ANKS1B: variants seen among roughly 807,000 people sequenced by gnomAD.
The protein encoded by ANKS1B is ankyrin repeat and sterile alpha motif domain containing 1B.
Under a neutral mutation model 148.3 loss-of-function variants are expected in ANKS1B, and 36 were observed. That is an observed-to-expected ratio of 0.24 (90% CI 0.19 to 0.32). The LOEUF (loss-of-function observed/expected upper bound fraction) is 0.32, where lower values mean the gene tolerates loss of function less well. ANKS1B is among the 10% of genes least tolerant of loss of function. The pLI is 1.00. For synonymous variants in ANKS1B, 542 were observed against 560.8 expected, an observed-to-expected ratio of 0.97 and a Z score of 0.47; for missense variants, 1,157 against 1,542.6, an observed-to-expected ratio of 0.75 and a Z score of 4.19.
chr12:99,190,869 C>T (rs1258105736), intron 14 of ANKS1B, among the ~76,000 whole-genome samples: 1 of 152,110 alleles, frequency 6.6e-6, no homozygotes, highest in East Asian at 1.9e-4. Flanking sequence ...TAAAGAGCTT[C>T]TGCACAGCAA....
chr12:98,882,968 G>C (rs1421033141), intron 17 of ANKS1B, among the ~76,000 whole-genome samples: 1 of 152,106 alleles, frequency 6.6e-6, no homozygotes, highest in African/African-American at 2.4e-5. Context: ...ACGTTCTTTA[G>C]AGTGTATTTT....
At chr12:99,338,931 C>T (rs2089443422) in intron 12 of ANKS1B, among the ~76,000 whole-genome samples, 4 of 152,132 alleles carry the variant, frequency 2.6e-5, no homozygotes, top group Admixed American at 1.3e-4. Flanking sequence ...CCTTTACTCT[C>T]CCATCTCGTC....
At chr12:99,836,917 A>G (rs947292094) in intron 1 of ANKS1B, among the ~76,000 whole-genome samples, 3 of 152,198 alleles carry the variant, frequency 2.0e-5, no homozygotes, top group Non-Finnish European at 4.4e-5. Flanking sequence ...GTACTATGGT[A>G]GGAAAAAATA....
intron 12 of ANKS1B, among the ~76,000 whole-genome samples, chr12:99,313,262 G>A (rs534707611): frequency 6.6e-6 from 1 of 152,062 alleles, no homozygotes; most frequent in Non-Finnish European, 1.5e-5. Flanking sequence ...GTTTGAAATT[G>A]AGGCAGTAAT....
intron 11 of ANKS1B, among the ~76,000 whole-genome samples, chr12:99,422,118 T>C (rs1006973716): frequency 2.6e-5 from 4 of 152,200 alleles, no homozygotes; most frequent in Non-Finnish European, 4.4e-5. Context: ...AAGCAGGCAT[T>C]TCTTTAGAGC....
intron 8 of ANKS1B, among the ~76,000 whole-genome samples, chr12:99,672,794 T>A (rs951177798): frequency 2.6e-5 from 4 of 152,172 alleles, no homozygotes; most frequent in African/African-American, 9.7e-5. Flanking sequence ...ATAGTTACTC[T>A]CCTATCATAG....
intron 2 of ANKS1B, among the ~76,000 whole-genome samples, chr12:99,823,943 C>T (rs2082836701): frequency 6.6e-6 from 1 of 152,094 alleles, no homozygotes; most frequent in Non-Finnish European, 1.5e-5. Context: ...GTTTATTGGT[C>T]TATGTGTCTG....
At chr12:99,980,700 A>T (rs967383722) in intron 1 of ANKS1B, among the ~76,000 whole-genome samples, 4 of 152,046 alleles carry the variant, frequency 2.6e-5, no homozygotes, top group African/African-American at 4.8e-5. Context: ...TTGCCATATA[A>T]AAGGTTAACA....
chr12:99,382,117 A>G (rs1004855819), intron 12 of ANKS1B, among the ~76,000 whole-genome samples: 1 of 152,212 alleles, frequency 6.6e-6, no homozygotes, highest in African/African-American at 2.4e-5. Context: ...TGAATGACCC[A>G]TGAGAGAAAC....
chr12:99,442,383 C>T (rs147279624), intron 11 of ANKS1B, among the ~76,000 whole-genome samples: 2 of 151,772 alleles, frequency 1.3e-5, no homozygotes, highest in Admixed American at 6.6e-5. Flanking sequence ...GGCACTATGT[C>T]AAATGTTACC....
At chr12:99,237,264 C>T (rs979847783) in intron 14 of ANKS1B, among the ~76,000 whole-genome samples, 2 of 151,952 alleles carry the variant, frequency 1.3e-5, no homozygotes, top group Non-Finnish European at 2.9e-5. Context: ...CTGTGCCTGC[C>T]TTACACTAAA....
intron 14 of ANKS1B, among the ~76,000 whole-genome samples, chr12:99,241,407 T>C (rs1031196930): frequency 2.0e-5 from 3 of 152,086 alleles, no homozygotes; most frequent in Non-Finnish European, 4.4e-5. Context: ...CAATAATAAA[T>C]AGCCTACCAA....
At chr12:99,415,431 C>T (rs2094865535) in intron 11 of ANKS1B, among the ~76,000 whole-genome samples, 1 of 152,098 alleles carries the variant, frequency 6.6e-6, no homozygotes, top group Non-Finnish European at 1.5e-5. Flanking sequence ...AAATAGGAAG[C>T]ACATATCACT....
chr12:99,131,704 G>C lies in ANKS1B; in HGVS notation c.2526+22585C>G, dbSNP rs77576693. On this transcript the variant is annotated intron_variant, in intron 15 of 26. Coordinates refer to ENST00000683438, the MANE Select transcript of ANKS1B (RefSeq NM_001352186.2). ...TATAATGGGAACATATTTATTTTCT[G>C]TGATGATGGCTCCCCTGAGCCTTTC... Among the ~76,000 whole-genome samples the C allele has an allele frequency of 5.3e-4, 80 of 152,248 alleles. No individual in the cohort carries two copies. The East Asian group carries it at 0.013, about 25-fold the overall frequency.
chr12:99,213,676 C>A (rs1293017914), intron 14 of ANKS1B, among the ~76,000 whole-genome samples: 2 of 152,110 alleles, frequency 1.3e-5, no homozygotes, highest in African/African-American at 2.4e-5. Context: ...GTTAATGAAT[C>A]AAATAGAAAT....
At chr12:98,958,821 G>A (rs1295893141) in intron 17 of ANKS1B, among the ~76,000 whole-genome samples, 2 of 152,118 alleles carry the variant, frequency 1.3e-5, no homozygotes, top group African/African-American at 4.8e-5. Context: ...TTCAAATATA[G>A]TTATATCTAC....
At chr12:98,736,533 T>C (rs1394090583) in intron 9 of ANKS1B, among the ~76,000 whole-genome samples, 1 of 152,182 alleles carries the variant, frequency 6.6e-6, no homozygotes, top group Non-Finnish European at 1.5e-5. Context: ...GTAGGCGGGA[T>C]GCAAGGCTCT....
chr12:99,632,359 GCCCC>G (rs2098169577), intron 9 of ANKS1B, among the ~76,000 whole-genome samples: 1 of 151,912 alleles, frequency 6.6e-6, no homozygotes, highest in Non-Finnish European at 1.5e-5. Flanking sequence ...ACCACAGACA[GCCCC>G]TGCTAGAGCA....
chr12:98,930,247 T>C lies in ANKS1B; in HGVS notation c.2779-98111A>G, dbSNP rs12308101. 3.2e-3 allele frequency among the ~76,000 whole-genome samples: 484 copies of C among 152,246 alleles called. 4 individuals carry two copies. Among genetic ancestry groups the C allele is most frequent in the African/African-American group, 0.011 (440 of 41,554 alleles). ...AAAACCACAATGAAATACCACTTCA[T>C]TCCTACTAAGATGGCTAAAATAAAA... is the stretch of plus-strand genomic sequence containing the variant. On this transcript the variant is annotated intron_variant, in intron 17 of 26. Transcript: ENST00000683438.
Sources: gnomAD v4.1 joint callset for allele counts (sites outside exome capture counted in the v4.1 genomes callset) on GRCh38, gnomAD v4.1.1 for gene constraint, MANE v1.5 for transcripts, NCBI Gene and HGNC (gene_info 2026-07-23, HGNC 2026-07-21) for gene names.